Variants in ZEB1 observed in about 807,000 individuals in gnomAD.
The protein encoded by ZEB1 is zinc finger E-box binding homeobox 1, also known as zinc finger E-box-binding homeobox 1.
ZEB1 carries 21 observed loss-of-function variants against 84.9 expected under a neutral mutation model. That is an observed-to-expected ratio of 0.25 (90% confidence interval 0.18 to 0.36). The LOEUF (loss-of-function observed/expected upper bound fraction) is 0.36. Among genes scored for constraint, ZEB1 ranks in the 10% least tolerant of loss-of-function variants. The probability of loss-of-function intolerance (pLI) is 1.00; values close to 1 mark genes in which losing one functional copy is unlikely to be tolerated. For missense variants in ZEB1, 1,104 were observed against 1,330.2 expected (o/e 0.83, Z 2.65); for synonymous variants, 420 against 471.1 (o/e 0.89, Z 1.41).
chr10:31,389,832 T>C (rs924961381), intron 1 of ZEB1: 19 of 152,180 alleles, frequency 1.2e-4, no homozygotes, highest in Non-Finnish European at 2.6e-4. Flanking sequence ...TTTATGAGAT[T>C]TTTTTCATAC....
intron 2 of ZEB1, among the ~76,000 whole-genome samples, chr10:31,487,368 G>A (rs188998119): frequency 1.2e-4 from 18 of 151,308 alleles, no homozygotes; most frequent in Admixed American, 1.1e-3. Flanking sequence ...AAAGTGTTGA[G>A]GAGTCTTCCA....
chr10:31,472,339 G>C (rs1484000231), intron 2 of ZEB1, among the ~76,000 whole-genome samples: 2 of 151,842 alleles, frequency 1.3e-5, no homozygotes, highest in Non-Finnish European at 2.9e-5. Flanking sequence ...AAAGAGAGAA[G>C]AATCAAATAG....
rs1554804890 is a variant in ZEB1 at position 31,329,012 on chromosome 10, T to TGTGC, written c.58+9721_58+9722insTGCG. Among the ~76,000 whole-genome samples, 6 of 152,058 alleles carry TGTGC rather than the reference T, an allele frequency of 3.9e-5. No individual in the cohort carries two copies. In the East Asian group the frequency reaches 1.2e-3, roughly 29 times the overall value. ...ATACCCTGGTGTGTGTGTGTGTGTG[T>TGTGC]GCGTGTGAACTTAATTGAGGTATAA... On this transcript the variant is annotated intron_variant, in intron 1 of 8. Coordinates refer to ENST00000424869, the MANE Select transcript of ZEB1 (RefSeq NM_001174096.2).
chr10:31,363,216 C>A (rs1417132986), intron 1 of ZEB1: 2 of 1,534,042 alleles, frequency 1.3e-6, no homozygotes, highest in Middle Eastern at 2.3e-4. Context: ...CCAGCACCTT[C>A]AAGGCCGCCT....
At chr10:31,428,006 C>A (rs1157136430) in intron 1 of ZEB1, among the ~76,000 whole-genome samples, 1 of 151,650 alleles carries the variant, frequency 6.6e-6, no homozygotes, top group Non-Finnish European at 1.5e-5. Context: ...TAATTTTTTT[C>A]AAAAAAACTA....
chr10:31,426,471 C>T (rs755877538), intron 1 of ZEB1, among the ~76,000 whole-genome samples: 1 of 152,134 alleles, frequency 6.6e-6, no homozygotes, highest in Non-Finnish European at 1.5e-5. Context: ...ATATCGGTAA[C>T]CTCACTCTAA....
intron 1 of ZEB1, among the ~76,000 whole-genome samples, chr10:31,376,602 T>C (rs2134639196): frequency 6.6e-6 from 1 of 151,836 alleles, no homozygotes; most frequent in East Asian, 1.9e-4. Flanking sequence ...GGCTCCAGAG[T>C]CATACTGGTT....
chr10:31,346,122 G>A (rs1183477450), intron 1 of ZEB1, among the ~76,000 whole-genome samples: 1 of 152,124 alleles, frequency 6.6e-6, no homozygotes, highest in Non-Finnish European at 1.5e-5. Flanking sequence ...AATGTAGGGA[G>A]TTTATAGGGA....
chr10:31,441,800 T>A (rs943358398), intron 1 of ZEB1, among the ~76,000 whole-genome samples: 15 of 152,114 alleles, frequency 9.9e-5, no homozygotes, highest in Non-Finnish European at 1.9e-4. Context: ...AAAAGACACA[T>A]GAAAAAATGC....
chr10:31,343,385 G>A (rs954428662), intron 1 of ZEB1, among the ~76,000 whole-genome samples: 3 of 151,900 alleles, frequency 2.0e-5, no homozygotes, highest in Non-Finnish European at 4.4e-5. Context: ...TATCCTGAAC[G>A]TTTCTCTTCA....
intron 2 of ZEB1, among the ~76,000 whole-genome samples, chr10:31,471,921 T>A (rs2063319701): frequency 1.4e-5 from 2 of 140,466 alleles, no homozygotes; most frequent in African/African-American, 3.2e-5. Flanking sequence ...TCAAAACCAC[T>A]CAACTACATG....
chr10:31,426,239 A>G lies in ZEB1; in HGVS notation c.59-34798A>G, dbSNP rs180943631. On this transcript the variant is annotated intron_variant, in intron 1 of 8. Coordinates refer to ENST00000424869, the MANE Select transcript of ZEB1 (RefSeq NM_001174096.2). ...ATTTGCCAATGTTGCACTTGTTGCC[A>G]ATCTGAAGATTCAAGCTATAAGTTG... is the stretch of plus-strand genomic sequence containing the variant. 2.2e-3 allele frequency among the ~76,000 whole-genome samples: 330 copies of G among 152,352 alleles called. 1 individual carries two copies. Among genetic ancestry groups the G allele is most frequent in the African/African-American group, 7.7e-3 (319 of 41,594 alleles).
chr10:31,328,771 T>A (rs2036131386), intron 1 of ZEB1, among the ~76,000 whole-genome samples: 1 of 152,134 alleles, frequency 6.6e-6, no homozygotes, highest in Non-Finnish European at 1.5e-5. Context: ...TGACATGAAC[T>A]TCAAGGATAA....
At chr10:31,400,410 G>T (rs2051740525) in intron 1 of ZEB1, among the ~76,000 whole-genome samples, 1 of 152,030 alleles carries the variant, frequency 6.6e-6, no homozygotes, top group South Asian at 2.1e-4. Flanking sequence ...AAAGGTATTA[G>T]AAATATGACT....
chr10:31,499,770 A>C (rs186276783), intron 3 of ZEB1, among the ~76,000 whole-genome samples: 1 of 152,284 alleles, frequency 6.6e-6, no homozygotes, highest in East Asian at 1.9e-4. Context: ...ATTCTCAAAA[A>C]AAAAATAGAA....
intron 1 of ZEB1, among the ~76,000 whole-genome samples, chr10:31,390,972 C>A (rs985430825): frequency 6.6e-6 from 1 of 152,092 alleles, no homozygotes; most frequent in Non-Finnish European, 1.5e-5. Context: ...CTGTTTGTCT[C>A]GAAAGACAGT....
chr10:31,520,897 G>C lies in ZEB1; in HGVS notation c.1565G>C (p.Ser522Thr). The C allele has an allele frequency of 6.2e-7, 1 of 1,614,126 alleles. No homozygotes were observed. Among genetic ancestry groups the C allele is most frequent in the Non-Finnish European group, 8.5e-7 (1 of 1,180,004 alleles). Residue 522 changes from serine (S) to threonine (T), a missense_variant, in exon 7 of 9, where the codon AGC becomes ACC. This residue lies in a region of ZEB1 where 531 missense variants were observed against 575.2 expected (regional missense o/e 0.92). Coordinates refer to ENST00000424869, the MANE Select transcript of ZEB1 (RefSeq NM_001174096.2). This position sits in a 1 kb window ranked among gnomAD's most constrained non-coding sequence, Gnocchi z 5.1. ...DLTVKSEKDK[S>T]FEGGVNDSTC... ...ACTGTTAAGTCTGAGAAGGACAAAA[G>C]CTTTGAAGGGGGGGTGAATGATAGC... is the stretch of plus-strand genomic sequence containing the variant.
At chr10:31,434,153 A>G (rs559900694) in intron 1 of ZEB1, among the ~76,000 whole-genome samples, 105 of 152,320 alleles carry the variant, frequency 6.9e-4, no homozygotes, top group Admixed American at 1.6e-3. Context: ...ACTATTTTGC[A>G]TAAGTTATTT....
intron 1 of ZEB1, among the ~76,000 whole-genome samples, chr10:31,452,701 A>ATTGTG (rs1554878661): frequency 1.1e-5 from 1 of 90,250 alleles, no homozygotes; most frequent in South Asian, 5.9e-4. Context: ...TTAGGATAAA[A>ATTGTG]TGTGTGTGTG....
Sources: allele counts gnomAD v4.1 joint callset (sites outside exome capture counted in the v4.1 genomes callset), GRCh38; gene constraint gnomAD v4.1.1; regional missense constraint gnomAD v4.1.1; non-coding constraint Gnocchi (gnomAD v3.1); transcripts MANE v1.5; gene names NCBI Gene and HGNC (gene_info 2026-07-23, HGNC 2026-07-21).